Variants in DPYSL5 observed in about 807,000 individuals in gnomAD.
The protein encoded by DPYSL5 is dihydropyrimidinase-related protein 5.
Under a neutral mutation model 58.4 loss-of-function variants are expected in DPYSL5, and 9 were observed. The observed-to-expected ratio is 0.15, with a 90% CI of 0.09 to 0.27. The LOEUF is 0.27. DPYSL5 is among the 10% of genes least tolerant of loss of function. The pLI is 1.00. For missense variants in DPYSL5, 499 were observed against 770.6 expected, an observed-to-expected ratio of 0.65 and a Z score of 4.17; for synonymous variants, 293 against 301.9, an observed-to-expected ratio of 0.97 and a Z score of 0.31.
At chr2:26,919,761 AAG>A in intron 2 of DPYSL5, among the ~76,000 whole-genome samples, 1 of 152,226 alleles carries the variant, frequency 6.6e-6, no homozygotes, top group African/African-American at 2.4e-5. Context: ...ATGTTCTACA[AAG>A]CTGCAATTCT....
intron 1 of DPYSL5, among the ~76,000 whole-genome samples, chr2:26,889,792 C>A (rs1663825558): frequency 6.6e-6 from 1 of 152,152 alleles, no homozygotes; most frequent in South Asian, 2.1e-4. Flanking sequence ...CACTCACCCA[C>A]CCTCTGCCTG....
intron 1 of DPYSL5, among the ~76,000 whole-genome samples, chr2:26,880,843 T>C (rs573964426): frequency 6.6e-6 from 1 of 152,210 alleles, no homozygotes; most frequent in Non-Finnish European, 1.5e-5. Context: ...CAAGCCTTCT[T>C]TCAGCCAACA....
In DPYSL5 at chr2:26,944,611, G is replaced by C. The variant is rs758037513; in HGVS notation, c.1441-45G>C. 1 of 1,597,698 alleles carries C rather than the reference G, an allele frequency of 6.3e-7. No individual in the cohort carries two copies. Among genetic ancestry groups the C allele is most frequent in the Non-Finnish European group, 8.5e-7 (1 of 1,170,384 alleles). ...GGCCATGGTTGTATCACTCAGCTCT[G>C]ATGGTGTTGTCCTGTTCTTCTGCTC... On this transcript the variant is annotated intron_variant, in intron 11 of 12. Coordinates refer to ENST00000288699, the MANE Select transcript of DPYSL5 (RefSeq NM_020134.4). The surrounding 1 kb of genome is among the most constrained non-coding windows in gnomAD (Gnocchi z 4.4).
At position 26,898,190 on chromosome 2, in the gene DPYSL5, A is replaced by G. The variant is rs1664063609; in HGVS notation, c.-4-306A>G. 1.3e-5 allele frequency among the ~76,000 whole-genome samples: 2 copies of G among 152,184 alleles called. No individual in the cohort carries two copies. The highest frequency in any genetic ancestry group is 4.1e-4 in the South Asian group (2 of 4,834). On this transcript the variant is annotated intron_variant, in intron 1 of 12. Coordinates refer to ENST00000288699, the MANE Select transcript of DPYSL5 (RefSeq NM_020134.4). The surrounding 1 kb of genome is among the most constrained non-coding windows in gnomAD (Gnocchi z 6.1). ...ATAGTAGAGATATGAGAAATGAGAT[A>G]TGAGAGATAGAAAATGAGATAGTAG...
rs1162393208 is a variant in DPYSL5 at position 26,924,776 on chromosome 2, C to A, written c.262-111C>A. 1 of 1,424,402 alleles carries A rather than the reference C, an allele frequency of 7.0e-7. No homozygotes were observed. The highest frequency in any genetic ancestry group is 1.4e-5 in the African/African-American group (1 of 69,938). The allele number at this position is 1,424,402 out of a possible 1,614,324, so 88.2% of individuals were successfully genotyped here. Reference sequence around the variant, plus strand: ...TCGCTGCCCTTGGTCCTCACAGCCTCTTGTGAGGCAGGGCCTGTCTTTGAA... The same window carrying A: ...TCGCTGCCCTTGGTCCTCACAGCCTATTGTGAGGCAGGGCCTGTCTTTGAA... On this transcript the variant is annotated intron_variant, in intron 2 of 12. Transcript: ENST00000288699. The surrounding 1 kb of genome is among the most constrained non-coding windows in gnomAD (Gnocchi z 4.7).
At chr2:26,939,843 T>C in intron 8 of DPYSL5, 188 bp from the exon 9 acceptor site, 1 of 653,538 alleles carries the variant, frequency 1.5e-6, no homozygotes, top group Admixed American at 2.9e-5. Flanking sequence ...ACTCATTCTG[T>C]AGATGAGTAA....
intron 5 of DPYSL5, among the ~76,000 whole-genome samples, chr2:26,931,193 GTGTGTGTGTGTATATATATATATA>G (rs1242121531): frequency 6.5e-4 from 36 of 55,754 alleles, no homozygotes; most frequent in African/African-American, 2.1e-3. Context: ...GTGTGTGTGT[GTGTGTGTGTGTATATATATATATA>G]TATATATATA....
chr2:26,908,925 A>C (rs1664365133), intron 2 of DPYSL5, among the ~76,000 whole-genome samples: 1 of 151,990 alleles, frequency 6.6e-6, no homozygotes, highest in Admixed American at 6.5e-5. Context: ...TTAAGCTTGT[A>C]TCTTTTTTAA....
At chr2:26,880,037 C>T (rs1346358300) in intron 1 of DPYSL5, among the ~76,000 whole-genome samples, 4 of 151,976 alleles carry the variant, frequency 2.6e-5, no homozygotes, top group Non-Finnish European at 5.9e-5. Flanking sequence ...TCTACAGGCA[C>T]GCACCACCAC....
chr2:26,867,697 C>T (rs1377548618), intron 1 of DPYSL5, among the ~76,000 whole-genome samples: 36 of 152,086 alleles, frequency 2.4e-4, no homozygotes, highest in African/African-American at 7.0e-4. Context: ...CCTCGTGATC[C>T]GCCCGCCTCG....
At chr2:26,891,498 A>T (rs1218859086) in intron 1 of DPYSL5, among the ~76,000 whole-genome samples, 1 of 152,028 alleles carries the variant, frequency 6.6e-6, no homozygotes, top group African/African-American at 2.4e-5. Context: ...GGAAAAAAAT[A>T]GGCCGAGGTG....
intron 1 of DPYSL5, among the ~76,000 whole-genome samples, chr2:26,889,521 C>T (rs1663816217): frequency 6.6e-6 from 1 of 152,104 alleles, no homozygotes; most frequent in African/African-American, 2.4e-5. Flanking sequence ...CCACCTGCCT[C>T]AGCCTCCCAA....
rs1040050100 is a variant in DPYSL5 at position 26,933,824 on chromosome 2, C to T, written c.790+491C>T. 3.3e-5 allele frequency among the ~76,000 whole-genome samples: 5 copies of T among 152,112 alleles called. No individual in the cohort carries two copies. The highest frequency in any genetic ancestry group is 1.2e-4 in the African/African-American group (5 of 41,410). ...AGGGGCACTTGTATGGCTTCTGTTG[C>T]GGATCGCCTGGCAGTACCTAAAGGC... On this transcript the variant is annotated intron_variant, in intron 7 of 12. Transcript: ENST00000288699. This position sits in a 1 kb window ranked among gnomAD's most constrained non-coding sequence, Gnocchi z 4.2.
intron 9 of DPYSL5, among the ~76,000 whole-genome samples, chr2:26,940,804 CTTTA>C (rs1025527760): frequency 4.0e-5 from 6 of 151,786 alleles, no homozygotes; most frequent in Admixed American, 1.3e-4. Flanking sequence ...AAGTACCATA[CTTTA>C]TTTAATCCTT....
intron 5 of DPYSL5, among the ~76,000 whole-genome samples, chr2:26,931,374 C>G (rs968393398): frequency 1.3e-5 from 2 of 151,446 alleles, no homozygotes; most frequent in Non-Finnish European, 2.9e-5. Context: ...CAAGGAGAGA[C>G]ATGACCTTGG....
At chr2:26,888,869 T>G (rs1319555385) in intron 1 of DPYSL5, among the ~76,000 whole-genome samples, 1 of 152,092 alleles carries the variant, frequency 6.6e-6, no homozygotes, top group Non-Finnish European at 1.5e-5. Context: ...CAACAGAAAT[T>G]TATTCCTCAC....
chr2:26,920,706 A>T (rs1459670868), intron 2 of DPYSL5, among the ~76,000 whole-genome samples: 1 of 152,242 alleles, frequency 6.6e-6, no homozygotes, highest in African/African-American at 2.4e-5. Flanking sequence ...CGGAGGTTGC[A>T]GTGAGCCAAG....
chr2:26,906,186 C>CT (rs35287552), intron 2 of DPYSL5, among the ~76,000 whole-genome samples: 50,692 of 138,702 alleles, frequency 0.37, 9,702 homozygotes, highest in Admixed American at 0.52. Flanking sequence ...AAACCCATAT[C>CT]TTTTTTTTTT....
In DPYSL5 at chr2:26,927,176, A is replaced by G; in HGVS notation, c.421-77A>G. 2 of 1,469,640 alleles carry G rather than the reference A, an allele frequency of 1.4e-6. No homozygotes were observed. Among genetic ancestry groups the G allele is most frequent in the Non-Finnish European group, 1.8e-6 (2 of 1,085,718 alleles). 91.0% of individuals were successfully genotyped at this position (1,469,640 alleles called of 1,614,324 possible). On this transcript the variant is annotated intron_variant, in intron 3 of 12. Transcript: ENST00000288699. This position sits in a 1 kb window ranked among gnomAD's most constrained non-coding sequence, Gnocchi z 4.3. ...CTGGGGCAGGCCCCACATCTCCCCC[A>G]TGCTGGGCCGGTGCCTGCCAGTCGG...
Sources: allele counts gnomAD v4.1 joint callset (sites outside exome capture counted in the v4.1 genomes callset), GRCh38; gene constraint gnomAD v4.1.1; non-coding constraint Gnocchi (gnomAD v3.1); transcripts MANE v1.5; gene names NCBI Gene and HGNC (gene_info 2026-07-23, HGNC 2026-07-21).